ORC4: variants seen among roughly 807,000 people sequenced by gnomAD.
The protein encoded by ORC4 is origin recognition complex subunit 4.
ORC4 carries 55 observed loss-of-function variants against 63.9 expected under a neutral mutation model. That is an observed-to-expected ratio of 0.86 (90% CI 0.69 to 1.08). The LOEUF (loss-of-function observed/expected upper bound fraction) is 1.08. Ranked by LOEUF, ORC4 falls within the 50% of genes least tolerant of loss-of-function variation. ORC4 has a pLI of 0.00. For synonymous variants in ORC4, 150 were observed against 168.5 expected (o/e 0.89, Z 0.85); for missense variants, 511 against 504.4 (o/e 1.01, Z -0.13).
chr2:147,935,457 C>T lies in ORC4; in HGVS notation c.*53G>A, dbSNP rs1687996400. 2.3e-6 allele frequency: 3 copies of T among 1,325,328 alleles called. No homozygotes were observed. Among genetic ancestry groups the T allele is most frequent in the Admixed American group, 1.7e-5 (1 of 59,228 alleles). The allele number at this position is 1,325,328 out of a possible 1,614,324, so 82.1% of individuals were successfully genotyped here. ...ATCATGTTAATGGACAATAGTTTTC[C>T]GTTCTCTACAGAAGTATGAATGAAA... On this transcript the variant is annotated 3_prime_UTR_variant, in exon 14 of 14. Transcript: ENST00000392857.
At chr2:147,955,212 CA>C in intron 7 of ORC4, 134 bp downstream of exon 7, 1 of 644,276 alleles carries the variant, frequency 1.6e-6, no homozygotes, top group East Asian at 2.8e-5. Context: ...ATACAGTGAA[CA>C]TTGTATTCTT....
rs200457894 is a variant in ORC4, at chr2:147,931,758, C to G, written c.*3752G>C. 1 of 151,888 alleles carries G rather than the reference C, an allele frequency of 6.6e-6. No homozygotes were observed. Among genetic ancestry groups the G allele is most frequent in the Non-Finnish European group, 1.5e-5 (1 of 67,998 alleles). 9.4% of individuals were successfully genotyped at this position (151,888 alleles called of 1,614,324 possible). A position where few individuals can be genotyped will look rare whatever the true frequency, so the allele number is the denominator to read the frequency against. On this transcript the variant is annotated 3_prime_UTR_variant, in exon 14 of 14. Coordinates refer to ENST00000392857, the MANE Select transcript of ORC4 (RefSeq NM_181741.4). ...AAAGCCTTTGACAAAATTCAACAAC[C>G]CTTCATGCTAAAAACTCTCAATAAA...
chr2:147,958,832 AT>A lies in ORC4; in HGVS notation c.259del (p.Ile87Ter). 1.4e-6 allele frequency: 2 copies of A among 1,447,666 alleles called. No individual in the cohort carries two copies. The highest frequency in any genetic ancestry group is 9.7e-7 in the Non-Finnish European group (1 of 1,030,168). 89.7% of individuals were successfully genotyped at this position (1,447,666 alleles called of 1,614,324 possible). A position where few individuals can be genotyped will look rare whatever the true frequency, so the allele number is the denominator to read the frequency against. ...TAATACATTTTCACTCACTTCTTCT[AT>A]TTCCATGAGTTCTTTCAAAGCATGA... ...INHALKELMEIEEVSENVLQV... is the reference protein window; with the variant it reads ...INHALKELMEXEEVSENVLQV... On this transcript the variant is annotated frameshift_variant, in exon 5 of 14. Transcript: ENST00000392857. LOFTEE classifies it high-confidence loss of function.
chr2:147,982,553 GC>G (rs2105372869), intron 1 of ORC4, among the ~76,000 whole-genome samples: 1 of 152,260 alleles, frequency 6.6e-6, no homozygotes, highest in East Asian at 1.9e-4. Flanking sequence ...TATCTAATCT[GC>G]CCCTTTGCAT....
intron 1 of ORC4, among the ~76,000 whole-genome samples, chr2:147,985,271 A>G (rs17225277): frequency 0.027 from 4,098 of 152,118 alleles, 125 homozygotes; most frequent in African/African-American, 0.058. Flanking sequence ...ATCTCGGCTC[A>G]CTGCAAGCTC....
chr2:147,962,686 C>T (rs899300153), intron 4 of ORC4, among the ~76,000 whole-genome samples: 6 of 152,150 alleles, frequency 3.9e-5, no homozygotes, highest in Admixed American at 1.3e-4. Context: ...GGGGCTCTCT[C>T]CCAAGAAGGA....
At chr2:147,979,473 T>C (rs112267247) in intron 1 of ORC4, among the ~76,000 whole-genome samples, 1 of 152,182 alleles carries the variant, frequency 6.6e-6, no homozygotes, top group Non-Finnish European at 1.5e-5. Flanking sequence ...TCCATGTTCA[T>C]GGACTGAAAG....
chr2:148,020,579 G>C (rs1693649899), intron 1 of ORC4, 54 bp downstream of exon 1: 2 of 152,416 alleles, frequency 1.3e-5, no homozygotes, highest in Admixed American at 1.3e-4. Flanking sequence ...CCTGGCCTTC[G>C]TTTGCAGCAA....
In ORC4 at chr2:147,966,248, T is replaced by C. The variant is rs1003516294; in HGVS notation, c.225+6491A>G. On this transcript the variant is annotated intron_variant, in intron 4 of 13. Coordinates refer to ENST00000392857, the MANE Select transcript of ORC4 (RefSeq NM_181741.4). ...TAAGAGGCAAGTTTATATCAATATA[T>C]GCCTACATCAAAAAACTAGAAAAAT... Among the ~76,000 whole-genome samples the C allele has an allele frequency of 2.6e-5, 4 of 152,018 alleles. No individual in the cohort carries two copies. The South Asian group carries it at 6.2e-4, about 24-fold the overall frequency.
chr2:147,977,489 C>T (rs562150791), intron 1 of ORC4, among the ~76,000 whole-genome samples: 8 of 152,200 alleles, frequency 5.3e-5, no homozygotes, highest in East Asian at 1.9e-4. Context: ...CAGCCACCCA[C>T]GGACAAAATG....
intron 4 of ORC4, among the ~76,000 whole-genome samples, chr2:147,971,811 TATAA>T (rs1449551513): frequency 3.3e-5 from 5 of 152,014 alleles, no homozygotes; most frequent in South Asian, 2.1e-4. Context: ...TATGATTATA[TATAA>T]ATGTGACAAT....
At chr2:147,998,958 A>G (rs1692140654) in intron 1 of ORC4, among the ~76,000 whole-genome samples, 1 of 152,188 alleles carries the variant, frequency 6.6e-6, no homozygotes, top group Non-Finnish European at 1.5e-5. Context: ...ACAGCTGTCA[A>G]TTCCAGGTTT....
intron 1 of ORC4, among the ~76,000 whole-genome samples, chr2:148,003,285 C>G (rs1692428858): frequency 6.6e-6 from 1 of 152,116 alleles, no homozygotes. Flanking sequence ...ATCCTGATAC[C>G]AAAATCTGGC....
At chr2:147,991,205 G>A (rs1170916147) in intron 1 of ORC4, among the ~76,000 whole-genome samples, 3 of 151,660 alleles carry the variant, frequency 2.0e-5, no homozygotes, top group East Asian at 1.9e-4. Flanking sequence ...GCGCCACCAC[G>A]CTCGGCTAAT....
chr2:147,999,459 C>G (rs1692173398), intron 1 of ORC4, among the ~76,000 whole-genome samples: 1 of 152,110 alleles, frequency 6.6e-6, no homozygotes, highest in South Asian at 2.1e-4. Context: ...CTTGATTGTT[C>G]TTCGTTGTTG....
At chr2:147,966,228 G>A (rs1689883877) in intron 4 of ORC4, among the ~76,000 whole-genome samples, 1 of 151,802 alleles carries the variant, frequency 6.6e-6, no homozygotes, top group African/African-American at 2.4e-5. Context: ...AGAATTAAGA[G>A]GCAAGTTTAT....
rs375857794 is a variant in ORC4, at chr2:147,948,048, T to C, written c.762+3A>G. On this transcript the variant is annotated splice_donor_region_variant and intron_variant, in intron 9 of 13. Coordinates refer to ENST00000392857, the MANE Select transcript of ORC4 (RefSeq NM_181741.4). The stretch of plus-strand genomic sequence containing the variant: ...CATTTAGCTTTATTGCCTTTTAAGA[T>C]ACCTGAACATTTTCATTCCACTTCT... 73 of 1,608,140 alleles carry C rather than the reference T, an allele frequency of 4.5e-5. No individual in the cohort carries two copies. The highest frequency in any genetic ancestry group is 6.0e-5 in the Non-Finnish European group (70 of 1,175,064).
At chr2:148,002,704 T>C (rs1692389017) in intron 1 of ORC4, among the ~76,000 whole-genome samples, 1 of 150,818 alleles carries the variant, frequency 6.6e-6, no homozygotes, top group Admixed American at 6.6e-5. Flanking sequence ...TTAAAAAAAC[T>C]AGAGAAGCAA....
chr2:147,944,093 G>A (rs1156490611), intron 9 of ORC4, among the ~76,000 whole-genome samples: 1 of 151,998 alleles, frequency 6.6e-6, no homozygotes, highest in Admixed American at 6.6e-5. Context: ...CCAGACAAGA[G>A]GTAAAGTGGG....
Sources: allele counts gnomAD v4.1 joint callset (sites outside exome capture counted in the v4.1 genomes callset), GRCh38; gene constraint gnomAD v4.1.1; transcripts MANE v1.5; gene names NCBI Gene and HGNC (gene_info 2026-07-23, HGNC 2026-07-21).